ADGRL2: variants seen among roughly 807,000 people sequenced by gnomAD.
ADGRL2 encodes the protein adhesion G protein-coupled receptor L2, also known as calcium-independent alpha-latrotoxin receptor 2.
ADGRL2 carries 44 observed loss-of-function variants against 157.4 expected under a neutral mutation model. The ratio of observed to expected loss-of-function variants is 0.28; its 90% CI spans 0.22 to 0.36. ADGRL2 has a LOEUF of 0.36. Ranked by LOEUF, ADGRL2 falls within the 10% of genes least tolerant of loss-of-function variation. ADGRL2 has a pLI of 1.00. For synonymous variants in ADGRL2, 585 were observed against 624.7 expected (o/e 0.94, Z 0.95); for missense variants, 1,510 against 1,768.9 (o/e 0.85, Z 2.63).
Position 81,950,337 on chromosome 1 carries a change from A to C in ADGRL2, c.1359A>C (p.Ala453=), listed in dbSNP as rs1557980966. Reference sequence around the variant, plus strand: ...GCAAAGGGACAAAACCACCTCCAGCAGTTTCTACAACCAAAATTCCACCTA... The same window carrying C: ...GCAAAGGGACAAAACCACCTCCAGCCGTTTCTACAACCAAAATTCCACCTA... ...EGSKGTKPPP[A]VSTTKIPPIT... is the part of the protein sequence containing the mutation. The change falls in exon 7 of 24, where the codon GCA becomes GCC. Residue 453 remains alanine (A), a synonymous_variant. Coordinates refer to ENST00000686636, the MANE Select transcript of ADGRL2 (RefSeq NM_001366006.2). 6.2e-7 allele frequency: 1 copy of C among 1,614,104 alleles called. No homozygotes were observed. Among genetic ancestry groups the C allele is most frequent in the Admixed American group, 1.7e-5 (1 of 60,016 alleles).
intron 1 of ADGRL2, among the ~76,000 whole-genome samples, chr1:81,363,887 T>C (rs746906763): frequency 2.0e-5 from 3 of 152,174 alleles, no homozygotes; most frequent in Non-Finnish European, 2.9e-5. Context: ...CCATAATATT[T>C]TCTGTAGGCC....
intron 2 of ADGRL2, among the ~76,000 whole-genome samples, chr1:81,511,365 G>T (rs941429821): frequency 1.7e-5 from 2 of 115,474 alleles, no homozygotes; most frequent in Non-Finnish European, 3.3e-5. Context: ...AACACAGCAA[G>T]ACCTTGTCTC....
At chr1:81,942,941 A>C (rs753951750) in intron 5 of ADGRL2, 28 bp from the exon 6 acceptor site, 11 of 1,559,518 alleles carry the variant, frequency 7.1e-6, no homozygotes, top group Middle Eastern at 1.7e-4. Context: ...AACTTGGCTT[A>C]ATTTTTGTCT....
In ADGRL2 at chr1:81,943,502, G is replaced by A. The variant is rs1003335830; in HGVS notation, c.943G>A (p.Ala315Thr). 2.5e-6 allele frequency: 4 copies of A among 1,613,612 alleles called. No homozygotes were observed. Among genetic ancestry groups the A allele is most frequent in the South Asian group, 2.2e-5 (2 of 91,084 alleles). ...GGAGACTGTATACGACAAACGTGCC[G>A]CATCAAATGCTTTTATGATATGCGG... Reference protein sequence around the residue: ...TWETVYDKRAASNAFMICGVL... With the variant: ...TWETVYDKRATSNAFMICGVL... Residue 315 changes from alanine (A) to threonine (T), a missense_variant, in exon 6 of 24, where the codon GCA becomes ACA. This residue lies in a region of ADGRL2 where 361 missense variants were observed against 498.4 expected (regional missense o/e 0.72). Transcript: ENST00000686636. The surrounding 1 kb of genome is among the most constrained non-coding windows in gnomAD (Gnocchi z 5.6).
intron 2 of ADGRL2, among the ~76,000 whole-genome samples, chr1:81,895,583 C>T (rs543499205): frequency 8.6e-5 from 13 of 151,516 alleles, no homozygotes; most frequent in Admixed American, 5.9e-4. Flanking sequence ...TTAGTAGAGA[C>T]GGGGTTTCAC....
At chr1:81,965,843 A>G (rs1339976524) in intron 11 of ADGRL2, among the ~76,000 whole-genome samples, 1 of 152,236 alleles carries the variant, frequency 6.6e-6, no homozygotes, top group African/African-American at 2.4e-5. Flanking sequence ...TGTTAGAATG[A>G]CAATACAAAA....
At chr1:81,839,022 A>G (rs1004385742) in intron 2 of ADGRL2, among the ~76,000 whole-genome samples, 14 of 152,036 alleles carry the variant, frequency 9.2e-5, no homozygotes, top group Non-Finnish European at 1.2e-4. Flanking sequence ...AAAGTCTTAC[A>G]TGACATCATA....
chr1:81,650,982 C>T (rs2082408898), intron 3 of ADGRL2, among the ~76,000 whole-genome samples: 1 of 152,042 alleles, frequency 6.6e-6, no homozygotes, highest in South Asian at 2.1e-4. Context: ...GCTTCAGTTG[C>T]AAAGAAGGAA....
chr1:81,774,173 T>G (rs77642692), intron 2 of ADGRL2, among the ~76,000 whole-genome samples: 1 of 152,332 alleles, frequency 6.6e-6, no homozygotes, highest in Non-Finnish European at 1.5e-5. Flanking sequence ...TTATATGTAT[T>G]CACCTTACTC....
intron 1 of ADGRL2, among the ~76,000 whole-genome samples, chr1:81,391,176 T>C (rs1266023207): frequency 5.3e-5 from 8 of 152,278 alleles, no homozygotes; most frequent in Non-Finnish European, 8.8e-5. Flanking sequence ...AATTGATTCA[T>C]TGATGCAGCA....
At chr1:81,630,634 A>G (rs939299832) in intron 3 of ADGRL2, among the ~76,000 whole-genome samples, 9 of 152,194 alleles carry the variant, frequency 5.9e-5, no homozygotes, top group Admixed American at 1.3e-4. Context: ...AAACCAGCAC[A>G]TGCATTTAAA....
chr1:81,977,092 T>C (rs1481706603), intron 17 of ADGRL2, among the ~76,000 whole-genome samples: 1 of 151,886 alleles, frequency 6.6e-6, no homozygotes, highest in African/African-American at 2.4e-5. Context: ...GACCACAGTA[T>C]ATTGAATCCC....
intron 1 of ADGRL2, among the ~76,000 whole-genome samples, chr1:81,410,645 T>G (rs942445107): frequency 6.6e-6 from 1 of 152,214 alleles, no homozygotes; most frequent in South Asian, 2.1e-4. Flanking sequence ...GTAATTGATA[T>G]GTGGGAGAAA....
At chr1:81,959,224 T>C (rs1253514581) in intron 11 of ADGRL2, among the ~76,000 whole-genome samples, 2 of 152,184 alleles carry the variant, frequency 1.3e-5, no homozygotes, top group African/African-American at 2.4e-5. Flanking sequence ...TCATTGTGGA[T>C]TTATCTTGCA....
chr1:81,870,331 A>G (rs1399115188), intron 2 of ADGRL2, among the ~76,000 whole-genome samples: 2 of 152,094 alleles, frequency 1.3e-5, no homozygotes, highest in African/African-American at 4.8e-5. Context: ...TCCTCCGTTC[A>G]TACATTTAAA....
rs534411113 is a variant in ADGRL2, at chr1:81,860,026, C to A, written c.73+22969C>A. On this transcript the variant is annotated intron_variant, in intron 2 of 23. Transcript: ENST00000686636. ...AATCACAAGGTCAGGAGTTCCAGAC[C>A]AGCTTGGCCAACATAGTGAAACCCC... is the stretch of plus-strand genomic sequence containing the variant. Among the ~76,000 whole-genome samples, 234 of 151,874 alleles carry A rather than the reference C, an allele frequency of 1.5e-3. 7 individuals are homozygous for A. The South Asian group carries it at 0.034, about 22-fold the overall frequency.
intron 3 of ADGRL2, among the ~76,000 whole-genome samples, chr1:81,593,261 A>G (rs747489277): frequency 6.6e-6 from 1 of 152,190 alleles, no homozygotes; most frequent in Non-Finnish European, 1.5e-5. Flanking sequence ...AAGTTCTCCT[A>G]TCACCTGGCG....
At chr1:81,771,901 G>A (rs144810557) in intron 2 of ADGRL2, among the ~76,000 whole-genome samples, 1 of 151,922 alleles carries the variant, frequency 6.6e-6, no homozygotes, top group Non-Finnish European at 1.5e-5. Flanking sequence ...TCCTTTTTTT[G>A]CCCTTTTGCT....
At chr1:81,554,149 A>C (rs1405026735) in intron 2 of ADGRL2, among the ~76,000 whole-genome samples, 3 of 152,236 alleles carry the variant, frequency 2.0e-5, no homozygotes, top group Non-Finnish European at 4.4e-5. Flanking sequence ...TTAACTTGTA[A>C]TGAGAACATG....
Sources: gnomAD v4.1 joint callset for allele counts (sites outside exome capture counted in the v4.1 genomes callset) on GRCh38, gnomAD v4.1.1 for gene constraint, gnomAD v4.1.1 regional missense constraint, Gnocchi (gnomAD v3.1) non-coding constraint, MANE v1.5 for transcripts, NCBI Gene and HGNC (gene_info 2026-07-23, HGNC 2026-07-21) for gene names.